The following PTCD2 variants were observed in gnomAD, a reference collection of about 807,000 sequenced individuals.
The protein encoded by PTCD2 is pentatricopeptide repeat-containing protein 2, mitochondrial.
In PTCD2, 31 loss-of-function variants were observed where a neutral mutation model predicts 42.6. The ratio of observed to expected loss-of-function variants is 0.73; its 90% confidence interval spans 0.55 to 0.98. The LOEUF (loss-of-function observed/expected upper bound fraction) is 0.98. Among genes scored for constraint, PTCD2 ranks in the 50% least tolerant of loss-of-function variants. The pLI, the probability that PTCD2 is intolerant of heterozygous loss-of-function variation, is 0.00. For synonymous variants in PTCD2, 183 were observed against 170.9 expected (o/e 1.07, Z -0.55); for missense variants, 476 against 454.8 (o/e 1.05, Z -0.42).
At chr5:72,327,038 A>G (rs1751178997) in intron 3 of PTCD2, among the ~76,000 whole-genome samples, 1 of 152,122 alleles carries the variant, frequency 6.6e-6, no homozygotes, top group South Asian at 2.1e-4. Flanking sequence ...ATTATGTACA[A>G]ATTCACTCCT....
intron 9 of PTCD2, 32 bp from the exon 10 acceptor site, chr5:72,358,170 GA>G: frequency 6.5e-7 from 1 of 1,535,184 alleles, no homozygotes; most frequent in Non-Finnish European, 9.0e-7. Flanking sequence ...AAATCTTGCA[GA>G]GATGTAATGA....
chr5:72,331,352 G>C lies in PTCD2; in HGVS notation c.445G>C (p.Ala149Pro). 1 of 1,612,534 alleles carries C rather than the reference G, an allele frequency of 6.2e-7. No individual in the cohort carries two copies. Among genetic ancestry groups the C allele is most frequent in the Non-Finnish European group, 8.5e-7 (1 of 1,178,508 alleles). Residue 149 changes from alanine (A) to proline (P), a missense_variant, in exon 4 of 10, where the codon GCA (alanine) becomes CCA (proline). Ala to Pro is a conservative substitution (Grantham distance 27, BLOSUM62 -1). Transcript: ENST00000380639. ...LCYELDLEES[A>P]VELMKDQHLR... ...TTACGAGTTGGATCTCGAGGAATCTGCAGTGGAGCTCATGAAAGACCAGGT... is the reference window on the plus strand; with the variant it reads ...TTACGAGTTGGATCTCGAGGAATCTCCAGTGGAGCTCATGAAAGACCAGGT...
Position 72,335,859 on chromosome 5 carries a change from C to T in PTCD2, c.613C>T (p.Leu205Phe). ...DVKFTKDTYV[L>F]AFAICYKLNS... ...GAAGTTCACCAAAGATACCTATGTT[C>T]TTGCTTTTGCAATTTGCTACAAACT... The change falls in exon 6 of 10, where the codon CTT (leucine) becomes TTT (phenylalanine). Residue 205 changes from leucine (L) to phenylalanine (F), a missense_variant. Coordinates refer to ENST00000380639, the MANE Select transcript of PTCD2 (RefSeq NM_024754.5). 1 of 1,613,098 alleles carries T rather than the reference C, an allele frequency of 6.2e-7. No individual in the cohort carries two copies. The highest frequency in any genetic ancestry group is 8.5e-7 in the Non-Finnish European group (1 of 1,179,090).
In PTCD2 at chr5:72,364,053, A is replaced by G. The variant is rs1753148574; in HGVS notation, c.*5626A>G. ...ATTGATTCTAAGGAAATGGTTGCACAAAAATAAAAGTGAAATGGTATTTTT... is the reference window on the plus strand; with the variant it reads ...ATTGATTCTAAGGAAATGGTTGCACGAAAATAAAAGTGAAATGGTATTTTT... On this transcript the variant is annotated 3_prime_UTR_variant, in exon 10 of 10. Coordinates refer to ENST00000380639, the MANE Select transcript of PTCD2 (RefSeq NM_024754.5). 1 of 152,242 alleles carries G rather than the reference A, an allele frequency of 6.6e-6. No homozygotes were observed. The highest frequency in any genetic ancestry group is 2.1e-4 in the South Asian group (1 of 4,834). 9.4% of individuals were successfully genotyped at this position (152,242 alleles called of 1,614,324 possible). A position where few individuals can be genotyped will look rare whatever the true frequency, so the allele number is the denominator to read the frequency against.
chr5:72,323,507 C>T (rs1189410534), intron 2 of PTCD2, among the ~76,000 whole-genome samples: 2 of 152,024 alleles, frequency 1.3e-5, no homozygotes, highest in African/African-American at 2.4e-5. Flanking sequence ...CCTTGATCCT[C>T]CTTTATGAAC....
intron 8 of PTCD2, 99 bp from the exon 9 acceptor site, chr5:72,352,542 G>A (rs553108269): frequency 2.5e-5 from 15 of 607,234 alleles, no homozygotes; most frequent in South Asian, 4.3e-5. Context: ...TCAAAGCAGG[G>A]TAGGTGCCTA....
In PTCD2 at chr5:72,366,228, A is replaced by G. The variant is rs960894748; in HGVS notation, c.*7801A>G. ...CGAAACTATGTTTCAAATAATAATA[A>G]TAATAATAAGACTTACCATTTGCCA... On this transcript the variant is annotated 3_prime_UTR_variant, in exon 10 of 10. Coordinates refer to ENST00000380639, the MANE Select transcript of PTCD2 (RefSeq NM_024754.5). The G allele has an allele frequency of 6.6e-6, 1 of 152,154 alleles. No homozygotes were observed. Among genetic ancestry groups the G allele is most frequent in the Admixed American group, 6.5e-5 (1 of 15,270 alleles). 9.4% of individuals were successfully genotyped at this position (152,154 alleles called of 1,614,324 possible).
intron 3 of PTCD2, among the ~76,000 whole-genome samples, chr5:72,328,577 G>T (rs1398558360): frequency 6.6e-6 from 1 of 152,082 alleles, no homozygotes; most frequent in Non-Finnish European, 1.5e-5. Context: ...CATCTTTGGG[G>T]CCTGTTGCTC....
In PTCD2 at chr5:72,359,630, G is replaced by A. The variant is rs1753045135; in HGVS notation, c.*1203G>A. 1 of 152,188 alleles carries A rather than the reference G, an allele frequency of 6.6e-6. No homozygotes were observed. Among genetic ancestry groups the A allele is most frequent in the South Asian group, 2.1e-4 (1 of 4,826 alleles). 9.4% of individuals were successfully genotyped at this position (152,188 alleles called of 1,614,324 possible). On this transcript the variant is annotated 3_prime_UTR_variant, in exon 10 of 10. Transcript: ENST00000380639. ...TTAAGGAAACGATCCATGCAAGAGA[G>A]GCCCAATCTCAACTGTAGACTGTGT...
rs762235962 is a variant in PTCD2 at position 72,335,786 on chromosome 5, T to A, written c.548-8T>A. 9 of 1,603,722 alleles carry A rather than the reference T, an allele frequency of 5.6e-6. No individual in the cohort carries two copies. The highest frequency in any genetic ancestry group is 7.7e-6 in the Non-Finnish European group (9 of 1,170,606). The stretch of plus-strand genomic sequence containing the variant: ...CTAACACTGCGATCCACTCTTCACT[T>A]TTGGCAGGTGCTTTGCAAGTATTGA... On this transcript the variant is annotated splice_polypyrimidine_tract_variant and splice_region_variant and intron_variant, in intron 5 of 9. Transcript: ENST00000380639.
chr5:72,336,843 G>C (rs1010464331), intron 6 of PTCD2, among the ~76,000 whole-genome samples: 1 of 151,920 alleles, frequency 6.6e-6, no homozygotes, highest in Non-Finnish European at 1.5e-5. Context: ...ATGTATTACT[G>C]TTGTCATTCG....
At chr5:72,334,371 G>C (rs563611036) in intron 4 of PTCD2, among the ~76,000 whole-genome samples, 1 of 152,104 alleles carries the variant, frequency 6.6e-6, no homozygotes, top group Non-Finnish European at 1.5e-5. Flanking sequence ...CATGTTAATA[G>C]CTGGCACCTA....
At position 72,358,438 on chromosome 5, in the gene PTCD2, A is replaced by G. The variant is rs1752994930; in HGVS notation, c.*11A>G. 1.2e-6 allele frequency: 2 copies of G among 1,601,814 alleles called. No homozygotes were observed. Among genetic ancestry groups the G allele is most frequent in the Non-Finnish European group, 1.7e-6 (2 of 1,170,482 alleles). On this transcript the variant is annotated 3_prime_UTR_variant, in exon 10 of 10. Coordinates refer to ENST00000380639, the MANE Select transcript of PTCD2 (RefSeq NM_024754.5). ...CTGTTGGCTGAGTAACCCTGGTTTC[A>G]GTCCACCTATGGATCTGAGGGGCCT... is the stretch of plus-strand genomic sequence containing the variant.
intron 6 of PTCD2, 118 bp from the exon 7 acceptor site, chr5:72,338,504 G>C: frequency 2.2e-6 from 1 of 460,432 alleles, no homozygotes; most frequent in Non-Finnish European, 3.9e-6. Flanking sequence ...CTTTTAAGTG[G>C]CTTGAGGGAG....
intron 9 of PTCD2, 76 bp downstream of exon 9, chr5:72,352,830 C>A: frequency 1.3e-6 from 1 of 756,930 alleles, no homozygotes; most frequent in Non-Finnish European, 2.2e-6. Context: ...TTTCTCAATT[C>A]TAAAGCTTAC....
intron 8 of PTCD2, among the ~76,000 whole-genome samples, chr5:72,347,243 C>A (rs1207352460): frequency 6.6e-6 from 1 of 152,170 alleles, no homozygotes; most frequent in Non-Finnish European, 1.5e-5. Context: ...TCTCTTTTAT[C>A]CAGGACTGGG....
At chr5:72,330,828 A>G (rs541013180) in intron 3 of PTCD2, among the ~76,000 whole-genome samples, 2 of 152,240 alleles carry the variant, frequency 1.3e-5, no homozygotes, top group African/African-American at 4.8e-5. Context: ...GCCATCCTAT[A>G]TGAGGATGAA....
In PTCD2 at chr5:72,326,111, A is replaced by G. The variant is rs539568065; in HGVS notation, c.221-501A>G. Among the ~76,000 whole-genome samples the G allele has an allele frequency of 3.2e-4, 48 of 152,356 alleles. No individual in the cohort carries two copies. In the South Asian group the frequency reaches 9.3e-3, roughly 30 times the overall value. ...AAGAGGTGAAGTTGAATCAAATGAA[A>G]GAAACGTGAGTCATGTGGGTCCACC... On this transcript the variant is annotated intron_variant, in intron 2 of 9. Coordinates refer to ENST00000380639, the MANE Select transcript of PTCD2 (RefSeq NM_024754.5).
At position 72,368,221 on chromosome 5, in the gene PTCD2, CA is replaced by C. The variant is rs1753245112; in HGVS notation, c.*9795del. 1.3e-5 allele frequency: 2 copies of C among 152,236 alleles called. No individual in the cohort carries two copies. The highest frequency in any genetic ancestry group is 1.3e-4 in the Admixed American group (2 of 15,296). 9.4% of individuals were successfully genotyped at this position (152,236 alleles called of 1,614,324 possible). On this transcript the variant is annotated 3_prime_UTR_variant, in exon 10 of 10. Transcript: ENST00000380639. Reference sequence around the variant, plus strand: ...CAGAGTGTGGGACAAAGACAACCAGCACATTGCTAAGCCCAAGTAGCAAATT... The same window carrying C: ...CAGAGTGTGGGACAAAGACAACCAGCCATTGCTAAGCCCAAGTAGCAAATT...
Sources: allele counts gnomAD v4.1 joint callset (sites outside exome capture counted in the v4.1 genomes callset), GRCh38; gene constraint gnomAD v4.1.1; transcripts MANE v1.5; gene names NCBI Gene and HGNC (gene_info 2026-07-23, HGNC 2026-07-21).